The following WDR47 variants were observed in gnomAD, a reference collection of about 807,000 sequenced individuals.
WDR47 encodes WD repeat domain 47.
In WDR47, 32 loss-of-function variants were observed where a neutral mutation model predicts 97.2. That is an observed-to-expected ratio of 0.33 (90% CI 0.25 to 0.44). The LOEUF is 0.44. Among genes scored for constraint, WDR47 ranks in the 20% least tolerant of loss-of-function variants. The pLI is 1.00. For synonymous variants in WDR47, 375 were observed against 373.5 expected (o/e 1.00, Z -0.05); for missense variants, 782 against 1,102.3 (o/e 0.71, Z 4.11).
chr1:109,035,918 T>G (rs1377792752), intron 1 of WDR47, among the ~76,000 whole-genome samples: 1 of 152,028 alleles, frequency 6.6e-6, no homozygotes. Flanking sequence ...CTCAAACTCC[T>G]GCGCTCAAGC....
intron 3 of WDR47, among the ~76,000 whole-genome samples, chr1:109,015,637 G>A (rs556972828): frequency 1.3e-5 from 2 of 151,182 alleles, no homozygotes; most frequent in African/African-American, 4.8e-5. Flanking sequence ...CTCAAAAAAT[G>A]ACTATTTTGA....
At chr1:109,032,232 C>G (rs1320185915) in intron 1 of WDR47, among the ~76,000 whole-genome samples, 1 of 139,484 alleles carries the variant, frequency 7.2e-6, no homozygotes, top group Non-Finnish European at 1.6e-5. Context: ...GATTTTCTGG[C>G]CAGGCGCAGT....
chr1:108,987,351 G>C (rs770968426), intron 9 of WDR47: 1 of 152,192 alleles, frequency 6.6e-6, no homozygotes, highest in Non-Finnish European at 1.5e-5. Context: ...ATGGAGTTTC[G>C]CCATGTTGCC....
In WDR47 at chr1:109,007,221, C is replaced by CAAA. The variant is rs542534921; in HGVS notation, c.1131-2509_1131-2507dup. Reference sequence around the variant, plus strand: ...CTGAAATACATTTTAAATGTATACTCAAAAAAAAAAAAAAAAAAGATACTG... The same window carrying CAAA: ...CTGAAATACATTTTAAATGTATACTCAAAAAAAAAAAAAAAAAAAAAGATACTG... On this transcript the variant is annotated intron_variant, in intron 5 of 14. Transcript: ENST00000369962. Among the ~76,000 whole-genome samples, 784 of 92,048 alleles carry CAAA rather than the reference C, an allele frequency of 8.5e-3. 3 individuals are homozygous for CAAA. The highest frequency in any genetic ancestry group is 0.029 in the African/African-American group (722 of 24,848). The allele number at this position is 92,048 out of a possible 152,430, so 60.4% of individuals were successfully genotyped here. A position where few individuals can be genotyped will look rare whatever the true frequency, so the allele number is the denominator to read the frequency against.
intron 8 of WDR47, among the ~76,000 whole-genome samples, chr1:108,993,762 T>C (rs567450173): frequency 6.6e-6 from 1 of 152,280 alleles, no homozygotes; most frequent in Admixed American, 6.5e-5. Flanking sequence ...TTTACAATAA[T>C]GAGAGAAGTT....
At chr1:108,991,379 A>G (rs752295707) in intron 8 of WDR47, 50 bp from the exon 9 acceptor site, 2 of 1,520,308 alleles carry the variant, frequency 1.3e-6, no homozygotes, top group African/African-American at 2.8e-5. Flanking sequence ...TCAAAATAGA[A>G]ACTAAATTAA....
At chr1:108,982,103 A>G (rs1212407267) in intron 12 of WDR47, among the ~76,000 whole-genome samples, 1 of 152,074 alleles carries the variant, frequency 6.6e-6, no homozygotes, top group African/African-American at 2.4e-5. Flanking sequence ...AAAAAGAAAA[A>G]GCTAAGTACT....
intron 8 of WDR47, chr1:108,992,523 G>A: frequency 6.6e-7 from 1 of 1,509,562 alleles, no homozygotes; most frequent in East Asian, 2.3e-5. Flanking sequence ...TGGACACAAG[G>A]TCGGTGGCCC....
rs1391391427 is a variant in WDR47, at chr1:109,011,161, T to C, written c.885A>G (p.Pro295=). 4 of 1,614,046 alleles carry C rather than the reference T, an allele frequency of 2.5e-6. No individual in the cohort carries two copies. The highest frequency in any genetic ancestry group is 2.5e-6 in the Non-Finnish European group (3 of 1,180,042). The change falls in exon 5 of 15, where the codon CCA becomes CCG. Residue 295 remains proline, a synonymous_variant. Coordinates refer to ENST00000369962, the MANE Select transcript of WDR47 (RefSeq NM_001142551.2). ...ATTGAGGTCTTCTCATTGGGGATGA[T>C]GGATAGGGAGAGAGTTTGCTGATAA... The part of the protein sequence containing the change: ...TPLISKLSPY[P]SSPMRRPQSA...
intron 8 of WDR47, among the ~76,000 whole-genome samples, chr1:108,994,510 G>C (rs1659609325): frequency 6.6e-6 from 1 of 152,172 alleles, no homozygotes; most frequent in South Asian, 2.1e-4. Context: ...TTGGGAGGCT[G>C]AGGTAGGAGG....
intron 8 of WDR47, among the ~76,000 whole-genome samples, chr1:108,993,406 A>G (rs1343805615): frequency 1.3e-5 from 2 of 152,182 alleles, no homozygotes; most frequent in African/African-American, 4.8e-5. Context: ...ATCATGTAGC[A>G]ATGCTTTTGA....
intron 9 of WDR47, among the ~76,000 whole-genome samples, chr1:108,988,463 A>G (rs1191395599): frequency 6.6e-6 from 1 of 152,172 alleles, no homozygotes; most frequent in Admixed American, 6.5e-5. Context: ...GTTATAAAAT[A>G]TCCCTTTAAC....
intron 1 of WDR47, among the ~76,000 whole-genome samples, chr1:109,036,444 C>T (rs1246726173): frequency 4.0e-5 from 6 of 150,064 alleles, no homozygotes; most frequent in African/African-American, 9.8e-5. Context: ...TGGTAGCGTG[C>T]GCCTGTAGTC....
intron 7 of WDR47, among the ~76,000 whole-genome samples, chr1:109,000,508 C>CCAAA (rs1660102705): frequency 1.4e-5 from 1 of 70,510 alleles, no homozygotes; most frequent in Non-Finnish European, 2.4e-5. Context: ...GACTCTGTCT[C>CCAAA]AAAAAAAAAA....
chr1:109,016,396 T>A (rs929498394), intron 3 of WDR47, among the ~76,000 whole-genome samples: 1 of 151,964 alleles, frequency 6.6e-6, no homozygotes, highest in Admixed American at 6.6e-5. Context: ...AATGAGACCC[T>A]GTCTCAAAAA....
chr1:108,996,723 C>T (rs1659777514), intron 7 of WDR47, among the ~76,000 whole-genome samples: 2 of 152,252 alleles, frequency 1.3e-5, no homozygotes, highest in Admixed American at 1.3e-4. Flanking sequence ...GCCTCAGGGC[C>T]TTGCCCTCAA....
intron 3 of WDR47, among the ~76,000 whole-genome samples, chr1:109,015,355 G>A (rs1661339318): frequency 6.6e-6 from 1 of 152,124 alleles, no homozygotes; most frequent in Non-Finnish European, 1.5e-5. Context: ...ACAGAGTCCT[G>A]CTCTGTCGCC....
intron 9 of WDR47, 28 bp from the exon 10 acceptor site, chr1:108,986,708 C>A: frequency 6.8e-7 from 1 of 1,476,934 alleles, no homozygotes; most frequent in South Asian, 1.3e-5. Flanking sequence ...ATTAGTTATC[C>A]TATTAAAAAA....
At position 109,011,765 on chromosome 1, in the gene WDR47, C is replaced by T. The variant is rs761283026; in HGVS notation, c.328-47G>A. The T allele has an allele frequency of 1.4e-5, 20 of 1,478,502 alleles. No individual in the cohort carries two copies. In the African/African-American group the frequency reaches 2.3e-4, roughly 17 times the overall value. The allele number at this position is 1,478,502 out of a possible 1,614,324, so 91.6% of individuals were successfully genotyped here. A position where few individuals can be genotyped will look rare whatever the true frequency, so the allele number is the denominator to read the frequency against. ...TCAAATAATCACTATAAAAAACATG[C>T]TATGAAATATGAAAACGACAAGAGT... On this transcript the variant is annotated intron_variant, in intron 4 of 14. Coordinates refer to ENST00000369962, the MANE Select transcript of WDR47 (RefSeq NM_001142551.2).
Sources: gnomAD v4.1 joint callset for allele counts (sites outside exome capture counted in the v4.1 genomes callset) on GRCh38, gnomAD v4.1.1 for gene constraint, MANE v1.5 for transcripts, NCBI Gene and HGNC (gene_info 2026-07-23, HGNC 2026-07-21) for gene names.